The following ANKUB1 variants were observed in gnomAD, a reference collection of about 807,000 sequenced individuals.
ANKUB1 encodes protein ANKUB1.
Under a neutral mutation model 49.3 loss-of-function variants are expected in ANKUB1, and 42 were observed. That is an observed-to-expected ratio of 0.85 (90% CI 0.67 to 1.10). ANKUB1 has a LOEUF of 1.10. Ranked by LOEUF, ANKUB1 falls within the 50% of genes least tolerant of loss-of-function variation. The pLI is 0.00. For synonymous variants in ANKUB1, 222 were observed against 231.0 expected (o/e 0.96, Z 0.35); for missense variants, 613 against 642.0 (o/e 0.95, Z 0.49).
intron 3 of ANKUB1, among the ~76,000 whole-genome samples, chr3:149,772,047 C>A (rs1293892497): frequency 7.8e-6 from 1 of 129,008 alleles, no homozygotes; most frequent in Non-Finnish European, 1.6e-5. Flanking sequence ...TTTTTTTAGA[C>A]GGAGTCTTTC....
intron 1 of ANKUB1, 133 bp downstream of exon 1, chr3:149,792,143 GT>G: frequency 2.0e-6 from 1 of 492,790 alleles, no homozygotes; most frequent in Non-Finnish European, 3.3e-6. Context: ...GCAAATAATA[GT>G]ATTTTCAAAT....
intron 2 of ANKUB1, among the ~76,000 whole-genome samples, chr3:149,786,659 G>A (rs1403482995): frequency 6.6e-6 from 1 of 152,190 alleles, no homozygotes; most frequent in Non-Finnish European, 1.5e-5. Flanking sequence ...CCTTGCCCAT[G>A]CCTATGTCCC....
intron 3 of ANKUB1, among the ~76,000 whole-genome samples, chr3:149,778,086 C>T (rs561949429): frequency 2.6e-5 from 4 of 152,212 alleles, no homozygotes; most frequent in East Asian, 1.9e-4. Flanking sequence ...TTTTTACCTT[C>T]TAGTTTTAAA....
intron 2 of ANKUB1, among the ~76,000 whole-genome samples, chr3:149,781,648 C>G (rs564602955): frequency 4.7e-4 from 71 of 152,212 alleles, no homozygotes; most frequent in Non-Finnish European, 8.8e-4. Context: ...CAGGGCCCCC[C>G]CAGTCCTGCA....
chr3:149,761,503 G>C lies in ANKUB1; in HGVS notation c.1616C>G (p.Ser539Cys). ...TRGGLTACEN[S>C]LETVL ...GACTTTTCAAAGCACAGTTTCTAGAGAGTTTTCACACGCTGTCAGACCTCC... is the reference window on the plus strand; with the variant it reads ...GACTTTTCAAAGCACAGTTTCTAGACAGTTTTCACACGCTGTCAGACCTCC... Residue 539 changes from serine (S) to cysteine (C), a missense_variant, in exon 6 of 6, where the codon TCT becomes TGT. By Grantham distance (112) the Ser-to-Cys change is moderately radical. Coordinates refer to ENST00000446160, the MANE Select transcript of ANKUB1 (RefSeq NM_001144960.3). 6.4e-7 allele frequency: 1 copy of C among 1,551,392 alleles called. No individual in the cohort carries two copies. Among genetic ancestry groups the C allele is most frequent in the Non-Finnish European group, 8.7e-7 (1 of 1,146,774 alleles).
At chr3:149,789,745 T>C (rs1217455230) in intron 2 of ANKUB1, among the ~76,000 whole-genome samples, 1 of 151,356 alleles carries the variant, frequency 6.6e-6, no homozygotes, top group African/African-American at 2.4e-5. Context: ...TTCTCCTGCC[T>C]CAGCCTAATG....
chr3:149,781,538 C>T (rs988451652), intron 2 of ANKUB1, among the ~76,000 whole-genome samples: 1 of 152,176 alleles, frequency 6.6e-6, no homozygotes, highest in African/African-American at 2.4e-5. Flanking sequence ...TGGTATCTGG[C>T]CTTCAGGTTC....
At chr3:149,780,145 C>A in intron 3 of ANKUB1, 94 bp downstream of exon 3, 3 of 982,436 alleles carry the variant, frequency 3.1e-6, no homozygotes, top group Non-Finnish European at 4.6e-6. Flanking sequence ...ATATGAAAAT[C>A]TAGATTTCTA....
In ANKUB1 at chr3:149,788,521, G is replaced by A. The variant is rs183821262; in HGVS notation, c.234+2260C>T. 2.6e-5 allele frequency among the ~76,000 whole-genome samples: 4 copies of A among 151,804 alleles called. No individual in the cohort carries two copies. The East Asian group carries it at 5.8e-4, about 22-fold the overall frequency. On this transcript the variant is annotated intron_variant, in intron 2 of 5. Transcript: ENST00000446160. ...CCCGGAAAATTTTTAAAATATTTTT[G>A]TAGAGATGGGGTCTCACCATCTTGC...
chr3:149,761,922 C>T (rs944977262), intron 5 of ANKUB1, among the ~76,000 whole-genome samples: 4 of 152,168 alleles, frequency 2.6e-5, no homozygotes, highest in African/African-American at 9.7e-5. Context: ...CTATACATCA[C>T]ATATTCCCTG....
intron 4 of ANKUB1, among the ~76,000 whole-genome samples, 156 bp downstream of exon 4, chr3:149,770,404 A>G (rs1435480388): frequency 6.6e-6 from 1 of 152,218 alleles, no homozygotes; most frequent in Non-Finnish European, 1.5e-5. Flanking sequence ...TCCAACAAAT[A>G]TGTCAATAAT....
At chr3:149,769,710 G>T (rs765448677) in intron 4 of ANKUB1, among the ~76,000 whole-genome samples, 2 of 152,110 alleles carry the variant, frequency 1.3e-5, no homozygotes, top group Non-Finnish European at 2.9e-5. Context: ...AAATGAAAAA[G>T]AATTGTTTTA....
At chr3:149,775,370 T>C (rs1164419135) in intron 3 of ANKUB1, among the ~76,000 whole-genome samples, 1 of 152,244 alleles carries the variant, frequency 6.6e-6, no homozygotes, top group African/African-American at 2.4e-5. Context: ...GGTTTGGCAG[T>C]ATAAATTGTT....
intron 2 of ANKUB1, among the ~76,000 whole-genome samples, chr3:149,781,981 C>T (rs1047679532): frequency 9.2e-5 from 14 of 152,090 alleles, no homozygotes; most frequent in Non-Finnish European, 1.6e-4. Flanking sequence ...ACTTTTGCCA[C>T]GCCGTGCTTT....
intron 3 of ANKUB1, among the ~76,000 whole-genome samples, chr3:149,775,399 G>T (rs1480881905): frequency 2.6e-5 from 4 of 152,120 alleles, no homozygotes; most frequent in Non-Finnish European, 5.9e-5. Context: ...CCCAGTCCTG[G>T]GTGTATGATT....
chr3:149,788,738 T>G (rs1172519029), intron 2 of ANKUB1, among the ~76,000 whole-genome samples: 1 of 152,076 alleles, frequency 6.6e-6, no homozygotes, highest in Non-Finnish European at 1.5e-5. Context: ...GGAGGGAAAC[T>G]GGGGGCCAGA....
At position 149,761,515 on chromosome 3, in the gene ANKUB1, G is replaced by A. The variant is rs1250187511; in HGVS notation, c.1604C>T (p.Ala535Val). The part of the protein sequence containing the change: ...SNLTTRGGLT[A>V]CENSLETVL The stretch of plus-strand genomic sequence containing the variant: ...CACAGTTTCTAGAGAGTTTTCACAC[G>A]CTGTCAGACCTCCTCGGGTAGTCAA... The change falls in exon 6 of 6, where the codon GCG (alanine) becomes GTG (valine). Residue 535 changes from alanine to valine, a missense_variant. Coordinates refer to ENST00000446160, the MANE Select transcript of ANKUB1 (RefSeq NM_001144960.3). The A allele has an allele frequency of 4.5e-6, 7 of 1,551,372 alleles. No individual in the cohort carries two copies. Among genetic ancestry groups the A allele is most frequent in the African/African-American group, 4.1e-5 (3 of 73,140 alleles).
chr3:149,791,989 A>G (rs1476112081), intron 1 of ANKUB1, among the ~76,000 whole-genome samples: 4 of 152,176 alleles, frequency 2.6e-5, no homozygotes, highest in Admixed American at 6.6e-5. Flanking sequence ...AAGAATTGCA[A>G]TAATATTATC....
intron 2 of ANKUB1, among the ~76,000 whole-genome samples, chr3:149,780,790 C>T (rs976738385): frequency 6.6e-6 from 1 of 152,114 alleles, no homozygotes; most frequent in African/African-American, 2.4e-5. Context: ...CTCTGTTGTG[C>T]AGTACTTTAA....
Sources: gnomAD v4.1 joint callset for allele counts (sites outside exome capture counted in the v4.1 genomes callset) on GRCh38, gnomAD v4.1.1 for gene constraint, MANE v1.5 for transcripts, NCBI Gene and HGNC (gene_info 2026-07-23, HGNC 2026-07-21) for gene names.